The following ST3GAL1 variants were observed in gnomAD, a reference collection of about 807,000 sequenced individuals.
ST3GAL1 encodes the protein CMP-N-acetylneuraminate-beta-galactosamide-alpha-2,3-sialyltransferase 1.
In ST3GAL1, 16 loss-of-function variants were observed where a neutral mutation model predicts 34.1. The observed-to-expected ratio is 0.47, with a 90% confidence interval of 0.32 to 0.71. The LOEUF (loss-of-function observed/expected upper bound fraction) is 0.71. ST3GAL1 is among the 30% of genes least tolerant of loss of function. The probability of loss-of-function intolerance (pLI) is 0.04; values close to 1 mark genes in which losing one functional copy is unlikely to be tolerated. For synonymous variants in ST3GAL1, 191 were observed against 184.7 expected, an observed-to-expected ratio of 1.03 and a Z score of -0.28; for missense variants, 353 against 447.4, an observed-to-expected ratio of 0.79 and a Z score of 1.90.
intron 2 of ST3GAL1, among the ~76,000 whole-genome samples, chr8:133,525,603 G>A (rs921646676): frequency 6.6e-6 from 1 of 152,162 alleles, no homozygotes; most frequent in African/African-American, 2.4e-5. Context: ...ACAGCACCCA[G>A]GCTGTGCATG....
chr8:133,465,731 G>A, intron 6 of ST3GAL1, 163 bp downstream of exon 6: 1 of 667,228 alleles, frequency 1.5e-6, no homozygotes, highest in East Asian at 2.7e-5. Flanking sequence ...CAGAGATGGG[G>A]AAGCTGAGGC....
intron 2 of ST3GAL1, among the ~76,000 whole-genome samples, chr8:133,523,877 C>G (rs1197422630): frequency 6.6e-6 from 1 of 152,180 alleles, no homozygotes; most frequent in Non-Finnish European, 1.5e-5. Context: ...GAAGAAGTGT[C>G]AAGATGCCAG....
chr8:133,559,229 T>C (rs1819148546), intron 1 of ST3GAL1, among the ~76,000 whole-genome samples: 1 of 152,190 alleles, frequency 6.6e-6, no homozygotes. Flanking sequence ...TTTATGTCGT[T>C]TCCCTTAAAC....
At chr8:133,557,255 A>G (rs1819066911) in intron 1 of ST3GAL1, among the ~76,000 whole-genome samples, 1 of 152,222 alleles carries the variant, frequency 6.6e-6, no homozygotes, top group African/African-American at 2.4e-5. Flanking sequence ...AAAGGAAGTG[A>G]GGAGACTGTG....
intron 2 of ST3GAL1, among the ~76,000 whole-genome samples, chr8:133,502,592 G>T (rs888087901): frequency 3.3e-5 from 5 of 152,150 alleles, no homozygotes; most frequent in Non-Finnish European, 7.3e-5. Flanking sequence ...CCAGATCTGT[G>T]AGAAAATAAA....
chr8:133,564,533 C>CACACACACACACAA (rs1286447343), intron 1 of ST3GAL1, among the ~76,000 whole-genome samples: 2 of 151,856 alleles, frequency 1.3e-5, no homozygotes, highest in East Asian at 1.9e-4. Flanking sequence ...CACACACACA[C>CACACACACACACAA]ACACACACAC....
intron 2 of ST3GAL1, among the ~76,000 whole-genome samples, chr8:133,524,632 G>C (rs1817908740): frequency 6.6e-6 from 1 of 152,338 alleles, no homozygotes; most frequent in Middle Eastern, 3.4e-3. Flanking sequence ...GCTAGCACAG[G>C]GTCCAGCCAC....
intron 2 of ST3GAL1, among the ~76,000 whole-genome samples, chr8:133,505,953 C>A (rs1041621994): frequency 6.6e-6 from 1 of 152,106 alleles, no homozygotes; most frequent in African/African-American, 2.4e-5. Context: ...TCCTCAGTTG[C>A]ACTCATTAAT....
intron 2 of ST3GAL1, among the ~76,000 whole-genome samples, chr8:133,541,098 T>TATATATATAAAC (rs1818506466): frequency 5.2e-5 from 2 of 38,598 alleles, no homozygotes; most frequent in Non-Finnish European, 8.6e-5. Context: ...TATATAAACA[T>TATATATATAAAC]ATATATATAT....
rs192712577 is a variant in ST3GAL1, at chr8:133,477,076, A to G, written c.-373-476T>C. 6.6e-5 allele frequency among the ~76,000 whole-genome samples: 10 copies of G among 152,342 alleles called. No individual in the cohort carries two copies. In the East Asian group the frequency reaches 1.9e-3, roughly 29 times the overall value. On this transcript the variant is annotated intron_variant, in intron 3 of 9. Transcript: ENST00000522652. ...AGCTCTGCCAATTGGCCTCAGTTCC[A>G]TAAAAAGGGGCTTTAGATGGTCCAG...
chr8:133,500,491 G>A (rs1817115004), intron 2 of ST3GAL1, among the ~76,000 whole-genome samples: 1 of 152,222 alleles, frequency 6.6e-6, no homozygotes, highest in Admixed American at 6.5e-5. Context: ...GAAGGTTATA[G>A]GGAGGAGACA....
rs1406680704 is a variant in ST3GAL1, at chr8:133,555,025, C to T, written c.-581-9099G>A. Among the ~76,000 whole-genome samples, 4 of 152,060 alleles carry T rather than the reference C, an allele frequency of 2.6e-5. No individual in the cohort carries two copies. The East Asian group carries it at 7.7e-4, about 29-fold the overall frequency. On this transcript the variant is annotated intron_variant, in intron 1 of 9. Transcript: ENST00000522652. ...TACAGGTGTGAGCCACCGCGCCCAG[C>T]CTACTTGGGTTTTTCTACTTCACTC...
At chr8:133,498,233 T>C (rs1005327061) in intron 3 of ST3GAL1, among the ~76,000 whole-genome samples, 1 of 152,334 alleles carries the variant, frequency 6.6e-6, no homozygotes, top group Middle Eastern at 3.4e-3. Context: ...GTGTGCCTGC[T>C]GGGAGCAGTG....
chr8:133,550,014 G>A (rs1326189740), intron 1 of ST3GAL1, among the ~76,000 whole-genome samples: 1 of 152,148 alleles, frequency 6.6e-6, no homozygotes, highest in Non-Finnish European at 1.5e-5. Context: ...CACCCCATGT[G>A]GGGCTCACCT....
At chr8:133,492,498 A>G (rs959810234) in intron 3 of ST3GAL1, among the ~76,000 whole-genome samples, 2 of 152,172 alleles carry the variant, frequency 1.3e-5, no homozygotes, top group South Asian at 4.1e-4. Flanking sequence ...CAGCAGGTGG[A>G]TCACTTGAGG....
intron 3 of ST3GAL1, among the ~76,000 whole-genome samples, chr8:133,491,716 T>G (rs1017201853): frequency 6.6e-6 from 1 of 152,160 alleles, no homozygotes; most frequent in Non-Finnish European, 1.5e-5. Flanking sequence ...TGGCGAGGCA[T>G]GCAGCACCCT....
intron 1 of ST3GAL1, among the ~76,000 whole-genome samples, chr8:133,557,906 A>G (rs956791955): frequency 1.6e-5 from 2 of 126,160 alleles, no homozygotes; most frequent in African/African-American, 9.9e-5. Context: ...CTCCGTCTCA[A>G]AAAAAAAAAA....
intron 2 of ST3GAL1, among the ~76,000 whole-genome samples, chr8:133,536,455 A>T (rs773210549): frequency 1.2e-4 from 19 of 152,364 alleles, no homozygotes; most frequent in Non-Finnish European, 2.4e-4. Flanking sequence ...AAGCACATAG[A>T]AAATTTCCAT....
At chr8:133,550,358 C>A (rs1818803838) in intron 1 of ST3GAL1, among the ~76,000 whole-genome samples, 1 of 152,172 alleles carries the variant, frequency 6.6e-6, no homozygotes. Context: ...ACGAGCCATA[C>A]AAGAAAGACA....
Sources: gnomAD v4.1 joint callset for allele counts (sites outside exome capture counted in the v4.1 genomes callset) on GRCh38, gnomAD v4.1.1 for gene constraint, MANE v1.5 for transcripts, NCBI Gene and HGNC (gene_info 2026-07-23, HGNC 2026-07-21) for gene names.